TMEM187: variants seen among roughly 807,000 people sequenced by gnomAD.
TMEM187 encodes the protein chromosome X open reading frame 12.
In TMEM187, 14 loss-of-function variants were observed where a neutral mutation model predicts 11.8. The observed-to-expected ratio is 1.18, with a 90% CI of 0.78 to 1.85. The LOEUF is 1.85. TMEM187 is among the 40% of genes most tolerant of loss of function. The pLI is 0.00. For missense variants in TMEM187, 227 were observed against 243.9 expected (o/e 0.93, Z 0.46); for synonymous variants, 112 against 118.5 (o/e 0.95, Z 0.36).
At chrX:153,981,798 C>G (rs977284370) in intron 1 of TMEM187, 52 bp from the exon 2 acceptor site, 25 of 450,340 alleles carry the variant, frequency 5.6e-5, no homozygotes, top group African/African-American at 5.2e-4. Flanking sequence ...AACATGGAGG[C>G]GGTGCTGGGG....
chrX:153,977,685 C>G (rs61431378), intron 1 of TMEM187, among the ~76,000 whole-genome samples: 2 of 105,583 alleles, frequency 1.9e-5, no homozygotes, highest in East Asian at 3.0e-4. Context: ...CCGAGGCGGG[C>G]GGATCACTTG....
Position 153,982,914 on chromosome X carries a change from G to A in TMEM187, c.*66G>A, listed in dbSNP as rs1557122889. The A allele has an allele frequency of 3.2e-5, 38 of 1,203,699 alleles. No homozygotes were observed. Among genetic ancestry groups the A allele is most frequent in the Non-Finnish European group, 2.4e-5 (21 of 891,688 alleles). On this transcript the variant is annotated 3_prime_UTR_variant, in exon 2 of 2. Coordinates refer to ENST00000369982, the MANE Select transcript of TMEM187 (RefSeq NM_003492.3). ...TTGAAATGGACTCTGAGATGGCAGC[G>A]TGGTGCCAGTGTCAGACATCCTGTG...
intron 1 of TMEM187, 54 bp from the exon 2 acceptor site, chrX:153,981,796 G>A: frequency 2.2e-6 from 1 of 451,147 alleles, no homozygotes; most frequent in Non-Finnish European, 3.8e-6. Context: ...GGAACATGGA[G>A]GCGGTGCTGG....
At chrX:153,976,925 CGTTAT>C (rs782129787) in intron 1 of TMEM187, among the ~76,000 whole-genome samples, 37 of 112,134 alleles carry the variant, frequency 3.3e-4, no homozygotes, top group Non-Finnish European at 4.3e-4. Flanking sequence ...GCCTAGAGGA[CGTTAT>C]GTTAAGTGAA....
In TMEM187 at chrX:153,982,158, C is replaced by T. The variant is rs781951974; in HGVS notation, c.96C>T (p.Ser32=). 1.7e-5 allele frequency: 20 copies of T among 1,211,810 alleles called. No homozygotes were observed. Among genetic ancestry groups the T allele is most frequent in the African/African-American group, 1.0e-4 (6 of 57,851 alleles). The change falls in exon 2 of 2, where the codon TCC becomes TCT. Residue 32 remains serine (S), a synonymous_variant. Coordinates refer to ENST00000369982, the MANE Select transcript of TMEM187 (RefSeq NM_003492.3). Reference sequence around the variant, plus strand: ...TCACGGGCATTTTCGACAGTGTTTCCGTGCAAGTGGGCTATGAGCACTACG... The same window carrying T: ...TCACGGGCATTTTCGACAGTGTTTCTGTGCAAGTGGGCTATGAGCACTACG... ...AVFTGIFDSV[S]VQVGYEHYAE... is the part of the protein sequence containing the mutation.
chrX:153,981,024 T>G (rs1557122330), intron 1 of TMEM187: 1 of 109,491 alleles, frequency 9.1e-6, no homozygotes, highest in Non-Finnish European at 1.9e-5. Flanking sequence ...TGGCATCAGC[T>G]GACCAGGAAC....
At chrX:153,979,782 G>T (rs960892614) in intron 1 of TMEM187, among the ~76,000 whole-genome samples, 2 of 95,363 alleles carry the variant, frequency 2.1e-5, no homozygotes, top group Non-Finnish European at 4.1e-5. Context: ...TGTCGCCCAG[G>T]TTGGAGTGCA....
intron 1 of TMEM187, among the ~76,000 whole-genome samples, chrX:153,975,904 C>G (rs1006796727): frequency 1.8e-5 from 2 of 110,008 alleles, no homozygotes; most frequent in African/African-American, 6.6e-5. Flanking sequence ...CTCAACCTCC[C>G]AGTGTGCTGG....
At chrX:153,973,657 G>A (rs2065564862) in intron 1 of TMEM187, among the ~76,000 whole-genome samples, 1 of 105,973 alleles carries the variant, frequency 9.4e-6, no homozygotes, top group Non-Finnish European at 1.9e-5. Flanking sequence ...CTCCAGCCTG[G>A]GCGACAGAGC....
At chrX:153,979,224 C>CT (rs1331386389) in intron 1 of TMEM187, among the ~76,000 whole-genome samples, 203 of 102,542 alleles carry the variant, frequency 2.0e-3, no homozygotes, top group Non-Finnish European at 2.8e-3. Context: ...CTGCGCCTAG[C>CT]TTTTTTTTTT....
chrX:153,981,190 A>ACTAGGG (rs782669460), intron 1 of TMEM187: 3 of 112,404 alleles, frequency 2.7e-5, no homozygotes, highest in African/African-American at 9.8e-5. Context: ...TTTCTCAGCT[A>ACTAGGG]CTAGGGCTCA....
At chrX:153,975,682 CG>C (rs1224026270) in intron 1 of TMEM187, among the ~76,000 whole-genome samples, 5 of 37 alleles carry the variant, frequency 0.14, no homozygotes, top group Non-Finnish European at 0.22. Context: ...CTTGCTCTGT[CG>C]CCCCAGGCTG....
chrX:153,982,386 G>A lies in TMEM187; in HGVS notation c.324G>A (p.Trp108Ter), dbSNP rs782264046. 6.7e-6 allele frequency: 8 copies of A among 1,196,672 alleles called. No homozygotes were observed. The highest frequency in any genetic ancestry group is 7.9e-6 in the Non-Finnish European group (7 of 891,214). ...AGTGGCTGCGCCTGTGGACGCAGTG[G>A]CGCCGTGCCGCGGTGCTGGACCAGT... ...PVQWLRLWTQ[W>*]RRAAVLDQWL... Residue 108 changes from tryptophan (W) to a stop codon, truncating the protein, a stop_gained, in exon 2 of 2, where the codon TGG becomes TGA. Coordinates refer to ENST00000369982, the MANE Select transcript of TMEM187 (RefSeq NM_003492.3). LOFTEE classifies it high-confidence loss of function.
chrX:153,981,718 G>T (rs1167811912), intron 1 of TMEM187, 132 bp from the exon 2 acceptor site: 8 of 357,794 alleles, frequency 2.2e-5, no homozygotes, highest in Non-Finnish European at 4.0e-5. Context: ...GAGAGTCAGT[G>T]TGCAGCGGTT....
intron 1 of TMEM187, among the ~76,000 whole-genome samples, chrX:153,981,412 TTGAGTGGCAG>T (rs1409550459): frequency 1.8e-4 from 20 of 111,732 alleles, no homozygotes; most frequent in African/African-American, 6.5e-4. Flanking sequence ...GGCCTGGTGC[TTGAGTGGCAG>T]ACGGTGAATC....
intron 1 of TMEM187, among the ~76,000 whole-genome samples, chrX:153,973,847 G>T (rs2065566737): frequency 8.9e-6 from 1 of 112,203 alleles, no homozygotes; most frequent in South Asian, 3.6e-4. Flanking sequence ...AACCATAAAT[G>T]CTAAAGGCCT....
In TMEM187 at chrX:153,983,023, C is replaced by A; in HGVS notation, c.*175C>A. 1 of 955,359 alleles carries A rather than the reference C, an allele frequency of 1.0e-6. No individual in the cohort carries two copies. The highest frequency in any genetic ancestry group is 1.4e-6 in the Non-Finnish European group (1 of 690,006). The allele number at this position is 955,359 out of a possible 1,213,427, so 78.7% of individuals were successfully genotyped here. On this transcript the variant is annotated 3_prime_UTR_variant, in exon 2 of 2. Transcript: ENST00000369982. The stretch of plus-strand genomic sequence containing the variant: ...GTGTGGAGGGGTGGAGTGCTGTGAT[C>A]TCGACAACTTACTTTCAAAGACATA...
At chrX:153,978,223 TA>T (rs2065584282) in intron 1 of TMEM187, among the ~76,000 whole-genome samples, 2 of 106,033 alleles carry the variant, frequency 1.9e-5, no homozygotes, top group South Asian at 8.7e-4. Context: ...AAAAACAAAA[TA>T]AAATGAAGTA....
In TMEM187 at chrX:153,982,782, G is replaced by A. The variant is rs782351743; in HGVS notation, c.720G>A (p.Ala240=). 4 of 1,210,757 alleles carry A rather than the reference G, an allele frequency of 3.3e-6. No homozygotes were observed. The highest frequency in any genetic ancestry group is 3.0e-5 in the East Asian group (1 of 33,799). The change falls in exon 2 of 2, where the codon GCG becomes GCA. Residue 240 remains alanine (A), a synonymous_variant. Transcript: ENST00000369982. The part of the protein sequence containing the change: ...KVCDVLQFHF[A]FLFLTHFNTH... ...GTGACGTGCTCCAGTTCCACTTTGC[G>A]TTTTTGTTTCTGACGCATTTCAACA... is the stretch of plus-strand genomic sequence containing the variant.
Sources: allele counts gnomAD v4.1 joint callset (sites outside exome capture counted in the v4.1 genomes callset), GRCh38; gene constraint gnomAD v4.1.1; transcripts MANE v1.5; gene names NCBI Gene and HGNC (gene_info 2026-07-23, HGNC 2026-07-21).